TMEM267: variants seen among roughly 807,000 people sequenced by gnomAD.
TMEM267 encodes the protein transmembrane protein C5orf28.
TMEM267 carries 20 observed loss-of-function variants against 19.3 expected under a neutral mutation model. The observed-to-expected ratio is 1.04, with a 90% confidence interval of 0.73 to 1.51. The LOEUF is 1.51. TMEM267 is among the 40% of genes most tolerant of loss of function. The pLI, the probability that TMEM267 is intolerant of heterozygous loss-of-function variation, is 0.00. For synonymous variants in TMEM267, 88 were observed against 90.3 expected (o/e 0.97, Z 0.15); for missense variants, 242 against 261.9 (o/e 0.92, Z 0.52).
chr5:43,483,128 A>G (rs1744893342), intron 1 of TMEM267, among the ~76,000 whole-genome samples: 1 of 152,244 alleles, frequency 6.6e-6, no homozygotes, highest in African/African-American at 2.4e-5. Flanking sequence ...TATCAAAAGC[A>G]GATGCCAAAT....
chr5:43,465,132 C>A (rs1044685269), intron 1 of TMEM267, among the ~76,000 whole-genome samples: 24 of 152,098 alleles, frequency 1.6e-4, no homozygotes, highest in South Asian at 1.0e-3. Context: ...CAACCCCATC[C>A]AAAAGTGGGC....
intron 2 of TMEM267, among the ~76,000 whole-genome samples, chr5:43,448,787 C>A (rs1742404715): frequency 1.3e-5 from 2 of 148,816 alleles, no homozygotes; most frequent in Non-Finnish European, 3.0e-5. Context: ...AAAAACAACC[C>A]CCCCCCACAA....
chr5:43,445,137 A>G lies in TMEM267; in HGVS notation c.*1085T>C, dbSNP rs946637795. On this transcript the variant is annotated 3_prime_UTR_variant, in exon 3 of 3. Coordinates refer to ENST00000397080, the MANE Select transcript of TMEM267 (RefSeq NM_022483.5). ...ACTGACTTTAATAAACTGTGCAAAT[A>G]TAAGATGTATAGCAACTAAATTTTC... The G allele has an allele frequency of 1.4e-4, 21 of 152,342 alleles. No homozygotes were observed. The highest frequency in any genetic ancestry group is 4.3e-4 in the African/African-American group (18 of 41,594). The allele number at this position is 152,342 out of a possible 1,614,324, so 9.4% of individuals were successfully genotyped here.
intron 1 of TMEM267, among the ~76,000 whole-genome samples, chr5:43,470,031 C>T (rs1322242000): frequency 6.6e-6 from 1 of 152,204 alleles, no homozygotes; most frequent in Non-Finnish European, 1.5e-5. Flanking sequence ...CATTAAAAGG[C>T]TGGGCCAGGA....
chr5:43,457,013 A>G (rs1020874573), intron 1 of TMEM267, among the ~76,000 whole-genome samples: 2 of 152,212 alleles, frequency 1.3e-5, no homozygotes, highest in Non-Finnish European at 2.9e-5. Context: ...GTGAATAAAC[A>G]AAAGGTGGAA....
At chr5:43,468,211 A>G (rs190330696) in intron 1 of TMEM267, among the ~76,000 whole-genome samples, 116 of 152,350 alleles carry the variant, frequency 7.6e-4, no homozygotes, top group African/African-American at 2.3e-3. Flanking sequence ...GAAAGTAAAC[A>G]GTTCCAGGTG....
intron 2 of TMEM267, 44 bp downstream of exon 2, chr5:43,453,614 C>T (rs201364406): frequency 1.7e-5 from 26 of 1,553,446 alleles, no homozygotes; most frequent in Non-Finnish European, 2.2e-5. Flanking sequence ...CAAAATAGTG[C>T]TAAGGAAATT....
intron 1 of TMEM267, among the ~76,000 whole-genome samples, chr5:43,480,930 G>A (rs1302094919): frequency 2.0e-5 from 3 of 146,940 alleles, no homozygotes; most frequent in Admixed American, 1.4e-4. Context: ...TCAGCCTCCC[G>A]AGTAGCTGGG....
intron 1 of TMEM267, among the ~76,000 whole-genome samples, chr5:43,483,112 G>A (rs1744892793): frequency 1.3e-5 from 2 of 152,100 alleles, no homozygotes; most frequent in South Asian, 4.1e-4. Flanking sequence ...TTCTTTAATG[G>A]AAAAATATCA....
At chr5:43,465,967 T>A (rs1300924864) in intron 1 of TMEM267, among the ~76,000 whole-genome samples, 3 of 149,138 alleles carry the variant, frequency 2.0e-5, no homozygotes, top group African/African-American at 2.5e-5. Flanking sequence ...TAATAAAATT[T>A]AAAAAAAAGA....
At chr5:43,461,106 C>A (rs963944147) in intron 1 of TMEM267, among the ~76,000 whole-genome samples, 2 of 152,270 alleles carry the variant, frequency 1.3e-5, no homozygotes, top group Non-Finnish European at 2.9e-5. Context: ...CACAGCAAGA[C>A]AGGACACTGG....
intron 1 of TMEM267, among the ~76,000 whole-genome samples, chr5:43,456,154 T>C (rs1561187913): frequency 6.6e-6 from 1 of 152,160 alleles, no homozygotes; most frequent in Non-Finnish European, 1.5e-5. Context: ...TAATTTTTGA[T>C]AAAGGTGCAA....
At chr5:43,463,484 C>A (rs1424835536) in intron 1 of TMEM267, among the ~76,000 whole-genome samples, 2 of 152,028 alleles carry the variant, frequency 1.3e-5, no homozygotes, top group East Asian at 1.9e-4. Flanking sequence ...GAGACACAAC[C>A]AAAAAAGAGA....
intron 1 of TMEM267, among the ~76,000 whole-genome samples, chr5:43,457,158 CT>C (rs1322885580): frequency 1.3e-5 from 2 of 152,098 alleles, no homozygotes; most frequent in Admixed American, 1.3e-4. Flanking sequence ...AGGATGAACC[CT>C]AATATAAAGT....
chr5:43,457,080 ATAGT>A (rs1266144346), intron 1 of TMEM267, among the ~76,000 whole-genome samples: 1 of 152,266 alleles, frequency 6.6e-6, no homozygotes, highest in Non-Finnish European at 1.5e-5. Flanking sequence ...TGAAATGATT[ATAGT>A]AAGTGAAAGA....
intron 2 of TMEM267, among the ~76,000 whole-genome samples, chr5:43,452,500 AGAGT>A (rs915705603): frequency 1.3e-5 from 2 of 151,754 alleles, no homozygotes; most frequent in Non-Finnish European, 2.9e-5. Flanking sequence ...GTACAGCATT[AGAGT>A]GACAGGTACA....
chr5:43,460,676 AG>A (rs1171646598), intron 1 of TMEM267, among the ~76,000 whole-genome samples: 1 of 152,196 alleles, frequency 6.6e-6, no homozygotes, highest in East Asian at 1.9e-4. Context: ...GGGAGAACAC[AG>A]CAGTTTTGAG....
intron 2 of TMEM267, among the ~76,000 whole-genome samples, chr5:43,446,893 T>C (rs937495882): frequency 1.3e-5 from 2 of 152,088 alleles, no homozygotes; most frequent in Non-Finnish European, 2.9e-5. Flanking sequence ...TTTATATAAT[T>C]ATCCAGGGCC....
intron 1 of TMEM267, among the ~76,000 whole-genome samples, chr5:43,465,467 A>G (rs1345424618): frequency 2.6e-5 from 4 of 152,238 alleles, no homozygotes; most frequent in African/African-American, 9.6e-5. Flanking sequence ...TACTGGGTAT[A>G]TACCCAAAGG....
Sources: gnomAD v4.1 joint callset for allele counts (sites outside exome capture counted in the v4.1 genomes callset) on GRCh38, gnomAD v4.1.1 for gene constraint, MANE v1.5 for transcripts, NCBI Gene and HGNC (gene_info 2026-07-23, HGNC 2026-07-21) for gene names.